The following MECOM variants were observed in gnomAD, a reference collection of about 807,000 sequenced individuals.
The protein encoded by MECOM is MDS1 and EVI1 complex locus.
In MECOM, 13 loss-of-function variants were observed where a neutral mutation model predicts 116.3. The observed-to-expected ratio is 0.11, with a 90% CI of 0.07 to 0.18. The LOEUF (loss-of-function observed/expected upper bound fraction) is 0.18. Ranked by LOEUF, MECOM falls within the 10% of genes least tolerant of loss-of-function variation. The pLI is 1.00. For synonymous variants in MECOM, 528 were observed against 535.2 expected, an observed-to-expected ratio of 0.99 and a Z score of 0.19; for missense variants, 1,299 against 1,509.0, an observed-to-expected ratio of 0.86 and a Z score of 2.31.
chr3:169,652,599 G>T (rs984902641), intron 1 of MECOM, among the ~76,000 whole-genome samples: 108 of 152,118 alleles, frequency 7.1e-4, no homozygotes, highest in African/African-American at 2.4e-3. Flanking sequence ...ATGACAGATG[G>T]GGGTTAGAGG....
intron 1 of MECOM, among the ~76,000 whole-genome samples, chr3:169,540,525 T>C (rs936953674): frequency 6.6e-6 from 1 of 152,240 alleles, no homozygotes; most frequent in Non-Finnish European, 1.5e-5. Context: ...AAGCTTCTAG[T>C]GCCTTTAAAA....
intron 2 of MECOM, among the ~76,000 whole-genome samples, chr3:169,339,208 T>C (rs976383262): frequency 6.6e-6 from 1 of 152,202 alleles, no homozygotes; most frequent in Non-Finnish European, 1.5e-5. Flanking sequence ...CAGCATTACA[T>C]AAGGGCTTCA....
intron 2 of MECOM, among the ~76,000 whole-genome samples, chr3:169,144,493 C>T (rs570365123): frequency 6.6e-6 from 1 of 152,216 alleles, no homozygotes; most frequent in South Asian, 2.1e-4. Context: ...AAAGCTGGCT[C>T]CTTGTGAACA....
At chr3:169,265,954 T>A (rs181087990) in intron 2 of MECOM, among the ~76,000 whole-genome samples, 18 of 152,218 alleles carry the variant, frequency 1.2e-4, no homozygotes. Context: ...TGTGGGAGGC[T>A]TCTAGCATTA....
At chr3:169,588,467 A>G (rs1197313298) in intron 1 of MECOM, among the ~76,000 whole-genome samples, 1 of 152,216 alleles carries the variant, frequency 6.6e-6, no homozygotes, top group Non-Finnish European at 1.5e-5. Flanking sequence ...TATAAGTGAC[A>G]TGGTGGCCAG....
intron 2 of MECOM, among the ~76,000 whole-genome samples, chr3:169,338,601 G>GTC: frequency 2.7e-5 from 1 of 36,602 alleles, no homozygotes; most frequent in Non-Finnish European, 4.7e-5. Flanking sequence ...TATGTTAGGG[G>GTC]TGTGTGTGTG....
intron 2 of MECOM, among the ~76,000 whole-genome samples, chr3:169,256,725 G>T (rs1314773085): frequency 6.6e-6 from 1 of 152,192 alleles, no homozygotes; most frequent in African/African-American, 2.4e-5. Context: ...GTAGAAAAAG[G>T]TTCAGTGAAG....
At chr3:169,654,656 T>C (rs1346526099) in intron 1 of MECOM, among the ~76,000 whole-genome samples, 1 of 152,154 alleles carries the variant, frequency 6.6e-6, no homozygotes, top group Non-Finnish European at 1.5e-5. Flanking sequence ...GGCCAGTGGA[T>C]ACAAGAAGGG....
At chr3:169,581,819 T>C (rs1341770295) in intron 1 of MECOM, among the ~76,000 whole-genome samples, 1 of 152,240 alleles carries the variant, frequency 6.6e-6, no homozygotes, top group Non-Finnish European at 1.5e-5. Context: ...ATGCCTGTCC[T>C]GGTGTGCTTT....
intron 2 of MECOM, among the ~76,000 whole-genome samples, chr3:169,219,820 A>G (rs966980328): frequency 8.7e-5 from 13 of 149,090 alleles, no homozygotes; most frequent in African/African-American, 3.2e-4. Flanking sequence ...TAGCATGTGT[A>G]TATATATATA....
rs532390893 is a variant in MECOM at position 169,608,142 on chromosome 3, G to T, written c.37+55194C>A. Reference sequence around the variant, plus strand: ...ACACAAGTAATGAGGTACTTGTGGTGTAAAATTAAACTGTCAACTGTCAGC... The same window carrying T: ...ACACAAGTAATGAGGTACTTGTGGTTTAAAATTAAACTGTCAACTGTCAGC... On this transcript the variant is annotated intron_variant, in intron 1 of 16. Transcript: ENST00000651503. Among the ~76,000 whole-genome samples, 3 of 152,308 alleles carry T rather than the reference G, an allele frequency of 2.0e-5. No homozygotes were observed. The South Asian group carries it at 6.2e-4, about 32-fold the overall frequency.
At position 169,325,662 on chromosome 3, in the gene MECOM, C is replaced by T. The variant is rs16853526; in HGVS notation, c.375+55525G>A. Among the ~76,000 whole-genome samples, 900 of 152,288 alleles carry T rather than the reference C, an allele frequency of 5.9e-3. 12 individuals are homozygous for T. Among genetic ancestry groups the T allele is most frequent in the African/African-American group, 0.021 (863 of 41,554 alleles). On this transcript the variant is annotated intron_variant, in intron 2 of 16. Transcript: ENST00000651503. ...TCAACTAACATATACAATCTTCTGACGTCTGAATGGCCTTTATTTCCTTTC... is the reference window on the plus strand; with the variant it reads ...TCAACTAACATATACAATCTTCTGATGTCTGAATGGCCTTTATTTCCTTTC...
intron 1 of MECOM, among the ~76,000 whole-genome samples, chr3:169,405,996 A>G (rs1383585690): frequency 6.6e-6 from 1 of 152,216 alleles, no homozygotes; most frequent in Non-Finnish European, 1.5e-5. Flanking sequence ...GTTGAAGATT[A>G]TGGGTTAGCT....
intron 1 of MECOM, among the ~76,000 whole-genome samples, chr3:169,411,046 A>G (rs1196492386): frequency 6.6e-6 from 1 of 152,160 alleles, no homozygotes; most frequent in Non-Finnish European, 1.5e-5. Context: ...ATATGAATAT[A>G]TGCATATACA....
chr3:169,619,023 A>G (rs1348629405), intron 1 of MECOM, among the ~76,000 whole-genome samples: 4 of 152,198 alleles, frequency 2.6e-5, no homozygotes. Context: ...ATTTAAAAAA[A>G]AAAAAAAGTC....
At chr3:169,422,518 T>A (rs1477898258) in intron 1 of MECOM, among the ~76,000 whole-genome samples, 1 of 152,160 alleles carries the variant, frequency 6.6e-6, no homozygotes, top group Non-Finnish European at 1.5e-5. Flanking sequence ...CTTTCTTTCT[T>A]TTTTGTTTAC....
chr3:169,435,050 A>G (rs1207941667), intron 1 of MECOM, among the ~76,000 whole-genome samples: 1 of 152,240 alleles, frequency 6.6e-6, no homozygotes, highest in Non-Finnish European at 1.5e-5. Flanking sequence ...AATTTTAAAT[A>G]AACTCAAGAA....
chr3:169,200,242 G>A (rs375675072), intron 2 of MECOM, among the ~76,000 whole-genome samples: 6 of 151,976 alleles, frequency 3.9e-5, no homozygotes, highest in African/African-American at 1.2e-4. Flanking sequence ...GACTAGGTTC[G>A]ACTTTACAAA....
At chr3:169,466,026 T>G (rs1364443126) in intron 1 of MECOM, among the ~76,000 whole-genome samples, 5 of 152,210 alleles carry the variant, frequency 3.3e-5, no homozygotes, top group African/African-American at 1.2e-4. Flanking sequence ...TTAAAACTTG[T>G]ATGTCTACTT....
Sources: gnomAD v4.1 joint callset for allele counts (sites outside exome capture counted in the v4.1 genomes callset) on GRCh38, gnomAD v4.1.1 for gene constraint, MANE v1.5 for transcripts, NCBI Gene and HGNC (gene_info 2026-07-23, HGNC 2026-07-21) for gene names.